Variants in ELP3 observed in about 807,000 individuals in gnomAD.
The protein encoded by ELP3 is elongator complex protein 3.
In ELP3, 56 loss-of-function variants were observed where a neutral mutation model predicts 74.9. The observed-to-expected ratio is 0.75, with a 90% CI of 0.60 to 0.93. The LOEUF is 0.93. Ranked by LOEUF, ELP3 falls within the 40% of genes least tolerant of loss-of-function variation. ELP3 has a pLI of 0.00. For synonymous variants in ELP3, 222 were observed against 239.8 expected, an observed-to-expected ratio of 0.93 and a Z score of 0.68; for missense variants, 573 against 686.5, an observed-to-expected ratio of 0.83 and a Z score of 1.85.
chr8:28,129,807 C>G (rs377234990), intron 8 of ELP3, 144 bp downstream of exon 8: 2 of 949,710 alleles, frequency 2.1e-6, no homozygotes, highest in African/African-American at 1.6e-5. Flanking sequence ...TTTCTTCTGT[C>G]TGTGTTCTTA....
chr8:28,173,767 G>A lies in ELP3; in HGVS notation c.1567+11689G>A, dbSNP rs187743160. Among the ~76,000 whole-genome samples, 90 of 151,906 alleles carry A rather than the reference G, an allele frequency of 5.9e-4. 1 individual carries two copies. The highest frequency in any genetic ancestry group is 3.7e-3 in the Admixed American group (57 of 15,272). On this transcript the variant is annotated intron_variant, in intron 14 of 14. Coordinates refer to ENST00000256398, the MANE Select transcript of ELP3 (RefSeq NM_018091.6). ...AGCTATAAGTTTCCCTCTGAGCACT[G>A]TTTTTGCTGCATCCTATAAGTTTGG...
chr8:28,101,959 C>T (rs967762691), intron 3 of ELP3, among the ~76,000 whole-genome samples: 4 of 152,180 alleles, frequency 2.6e-5, no homozygotes, highest in Non-Finnish European at 5.9e-5. Flanking sequence ...AACCTTTCAG[C>T]CTGACTGGCA....
At chr8:28,155,178 A>G (rs1485811228) in intron 10 of ELP3, among the ~76,000 whole-genome samples, 1 of 152,222 alleles carries the variant, frequency 6.6e-6, no homozygotes, top group Non-Finnish European at 1.5e-5. Context: ...GACAAAACAA[A>G]TTAGAGACTT....
chr8:28,180,910 C>T (rs1381116), intron 14 of ELP3, among the ~76,000 whole-genome samples: 151,625 of 152,238 alleles, frequency 1, 75,509 homozygotes, highest in Middle Eastern at 1. Flanking sequence ...CCTCAAGGTA[C>T]GGAAGCAACT....
chr8:28,186,984 T>C (rs747005181), intron 14 of ELP3, among the ~76,000 whole-genome samples: 14 of 152,334 alleles, frequency 9.2e-5, no homozygotes, highest in Non-Finnish European at 1.0e-4. Context: ...TTGGCATGAA[T>C]GTCTAGCAGC....
In ELP3 at chr8:28,191,092, A is replaced by G. The variant is rs1815444633; in HGVS notation, c.*1367A>G. On this transcript the variant is annotated 3_prime_UTR_variant, in exon 15 of 15. Transcript: ENST00000256398. ...ACCTTGGCTCCTGTGGCATTTTACAAAGGTTTAAAGGAATTGATTCCTCTG... is the reference window on the plus strand; with the variant it reads ...ACCTTGGCTCCTGTGGCATTTTACAGAGGTTTAAAGGAATTGATTCCTCTG... The G allele has an allele frequency of 6.6e-6, 1 of 152,222 alleles. No homozygotes were observed. Among genetic ancestry groups the G allele is most frequent in the African/African-American group, 2.4e-5 (1 of 41,448 alleles). The allele number at this position is 152,222 out of a possible 1,614,324, so 9.4% of individuals were successfully genotyped here.
intron 8 of ELP3, 104 bp from the exon 9 acceptor site, chr8:28,132,174 T>C (rs985381492): frequency 2.6e-5 from 33 of 1,254,248 alleles, no homozygotes; most frequent in Non-Finnish European, 3.6e-5. Context: ...TCAGAGATTG[T>C]TTTCCCCTTG....
chr8:28,111,136 G>A (rs1181586976), intron 6 of ELP3, among the ~76,000 whole-genome samples: 1 of 152,134 alleles, frequency 6.6e-6, no homozygotes, highest in Admixed American at 6.6e-5. Flanking sequence ...CTACAAAGGA[G>A]TACAAAGAAC....
At chr8:28,116,605 A>G (rs1489989438) in intron 7 of ELP3, among the ~76,000 whole-genome samples, 1 of 152,104 alleles carries the variant, frequency 6.6e-6, no homozygotes, top group Non-Finnish European at 1.5e-5. Flanking sequence ...CTGGGCATGG[A>G]GGCTGGTGCC....
In ELP3 at chr8:28,147,158, CTG is replaced by C. The variant is rs1284655851; in HGVS notation, c.1101-8782_1101-8781del. 2.0e-5 allele frequency among the ~76,000 whole-genome samples: 3 copies of C among 152,222 alleles called. No individual in the cohort carries two copies. Among genetic ancestry groups the C allele is most frequent in the African/African-American group, 7.2e-5 (3 of 41,462 alleles). On this transcript the variant is annotated intron_variant, in intron 10 of 14. Coordinates refer to ENST00000256398, the MANE Select transcript of ELP3 (RefSeq NM_018091.6). The surrounding 1 kb of genome is among the most constrained non-coding windows in gnomAD (Gnocchi z 4.5). The stretch of plus-strand genomic sequence containing the variant: ...TATCATACAGTTCTGCTTACCAACA[CTG>C]TATGTAAAACCTTCCCTAGAGAGTT...
chr8:28,144,617 C>G (rs1813363091), intron 10 of ELP3, among the ~76,000 whole-genome samples: 1 of 152,138 alleles, frequency 6.6e-6, no homozygotes, highest in Non-Finnish European at 1.5e-5. Context: ...AAGACCCTGT[C>G]TCCAAAAACA....
At chr8:28,135,087 C>A (rs1434122152) in intron 9 of ELP3, among the ~76,000 whole-genome samples, 1 of 152,174 alleles carries the variant, frequency 6.6e-6, no homozygotes, top group African/African-American at 2.4e-5. Flanking sequence ...CACCACCACA[C>A]CTGGCTAATT....
chr8:28,139,477 C>T (rs989645701), intron 10 of ELP3, among the ~76,000 whole-genome samples: 5 of 151,870 alleles, frequency 3.3e-5, no homozygotes, highest in South Asian at 2.1e-4. Context: ...TTCATATCTT[C>T]GGATTCTGCA....
At chr8:28,177,554 A>C (rs1474140542) in intron 14 of ELP3, among the ~76,000 whole-genome samples, 1 of 152,242 alleles carries the variant, frequency 6.6e-6, no homozygotes, top group Non-Finnish European at 1.5e-5. Flanking sequence ...TTAATTAAAC[A>C]ATCATAAATC....
At chr8:28,129,291 T>A in intron 7 of ELP3, 7 of 523,806 alleles carry the variant, frequency 1.3e-5, no homozygotes, top group Admixed American at 6.3e-5. Context: ...CATTTTGCAG[T>A]TAAAGGAACC....
intron 3 of ELP3, among the ~76,000 whole-genome samples, chr8:28,106,489 G>A (rs540834361): frequency 1.4e-5 from 2 of 143,822 alleles, no homozygotes; most frequent in African/African-American, 5.1e-5. Context: ...GCAGTGAGCC[G>A]AGATCCCGCC....
intron 7 of ELP3, among the ~76,000 whole-genome samples, chr8:28,124,685 T>G (rs1812505521): frequency 6.6e-6 from 1 of 152,188 alleles, no homozygotes. Flanking sequence ...TACAAAATGA[T>G]AGTTTTTGTC....
At chr8:28,116,662 C>T (rs546185648) in intron 7 of ELP3, among the ~76,000 whole-genome samples, 2 of 152,216 alleles carry the variant, frequency 1.3e-5, no homozygotes, top group East Asian at 1.9e-4. Context: ...ACACTTGAAC[C>T]CAGGAGGCAG....
rs1815412003 is a variant in ELP3, at chr8:28,190,340, G to A, written c.*615G>A. ...TGAGCCTGGCAGCAGCCAGCCAGCAGCCTCTCCCAGGCGGGAGTCTACCAT... is the reference window on the plus strand; with the variant it reads ...TGAGCCTGGCAGCAGCCAGCCAGCAACCTCTCCCAGGCGGGAGTCTACCAT... On this transcript the variant is annotated 3_prime_UTR_variant, in exon 15 of 15. Coordinates refer to ENST00000256398, the MANE Select transcript of ELP3 (RefSeq NM_018091.6). 1 of 152,272 alleles carries A rather than the reference G, an allele frequency of 6.6e-6. No homozygotes were observed. Among genetic ancestry groups the A allele is most frequent in the African/African-American group, 2.4e-5 (1 of 41,438 alleles). The allele number at this position is 152,272 out of a possible 1,614,324, so 9.4% of individuals were successfully genotyped here.
Sources: allele counts gnomAD v4.1 joint callset (sites outside exome capture counted in the v4.1 genomes callset), GRCh38; gene constraint gnomAD v4.1.1; non-coding constraint Gnocchi (gnomAD v3.1); transcripts MANE v1.5; gene names NCBI Gene and HGNC (gene_info 2026-07-23, HGNC 2026-07-21).